The following OTOGL variants were observed in gnomAD, a reference collection of about 807,000 sequenced individuals.
The protein encoded by OTOGL is otogelin-like protein.
Under a neutral mutation model 318.5 loss-of-function variants are expected in OTOGL, and 285 were observed. The ratio of observed to expected loss-of-function variants is 0.89; its 90% CI spans 0.81 to 0.99. The LOEUF (loss-of-function observed/expected upper bound fraction) is 0.99, where lower values mean the gene tolerates loss of function less well. Among genes scored for constraint, OTOGL ranks in the 50% least tolerant of loss-of-function variants. The pLI, the probability that OTOGL is intolerant of heterozygous loss-of-function variation, is 0.00. For synonymous variants in OTOGL, 987 were observed against 936.5 expected (o/e 1.05, Z -0.99); for missense variants, 2,899 against 2,845.6 (o/e 1.02, Z -0.43).
At chr12:80,106,343 TC>T (rs1869452774) in intron 1 of OTOGL, among the ~76,000 whole-genome samples, 1 of 152,210 alleles carries the variant, frequency 6.6e-6, no homozygotes, top group Non-Finnish European at 1.5e-5. Flanking sequence ...ACAGACTATG[TC>T]CAGGGTCCCA....
chr12:80,271,534 C>A, intron 23 of OTOGL, 114 bp from the exon 24 acceptor site: 1 of 1,013,466 alleles, frequency 9.9e-7, no homozygotes, highest in Non-Finnish European at 1.4e-6. Context: ...AGGCAGCTAA[C>A]ATTCTCAAAC....
intron 11 of OTOGL, among the ~76,000 whole-genome samples, chr12:80,242,546 G>T (rs958261492): frequency 1.3e-5 from 2 of 152,038 alleles, no homozygotes; most frequent in African/African-American, 4.8e-5. Context: ...TTCATTTCCT[G>T]TATTAGGGGA....
chr12:80,337,101 G>T, intron 42 of OTOGL, 97 bp downstream of exon 42: 1 of 871,254 alleles, frequency 1.1e-6, no homozygotes, highest in Non-Finnish European at 1.8e-6. Flanking sequence ...CATATCAATG[G>T]AATTTAATTG....
chr12:80,327,908 G>A (rs1263701597), intron 35 of OTOGL, among the ~76,000 whole-genome samples: 9 of 131,282 alleles, frequency 6.9e-5, no homozygotes, highest in Non-Finnish European at 1.1e-4. Flanking sequence ...GCAGTGAGCC[G>A]AGATCGCGCC....
In OTOGL at chr12:80,379,692, T is replaced by C. The variant is rs755974882; in HGVS notation, c.*1644T>C. On this transcript the variant is annotated 3_prime_UTR_variant, in exon 59 of 59. Coordinates refer to ENST00000547103, the MANE Select transcript of OTOGL (RefSeq NM_001378609.3). ...AATGTTGTATATTATCTATTGCCCA[T>C]TTTTATTTCCATTTTCTGTAAAATA... 18 of 151,994 alleles carry C rather than the reference T, an allele frequency of 1.2e-4. No individual in the cohort carries two copies. Among genetic ancestry groups the C allele is most frequent in the Non-Finnish European group, 2.1e-4 (14 of 67,888 alleles). The allele number at this position is 151,994 out of a possible 1,614,324, so 9.4% of individuals were successfully genotyped here.
At chr12:80,372,224 A>C (rs1039634147) in intron 57 of OTOGL, among the ~76,000 whole-genome samples, 160 bp downstream of exon 57, 2 of 152,108 alleles carry the variant, frequency 1.3e-5, no homozygotes, top group Non-Finnish European at 1.5e-5. Context: ...CATATGGTTA[A>C]TAATTTTGTA....
At chr12:80,149,977 C>T (rs977649266) in intron 1 of OTOGL, among the ~76,000 whole-genome samples, 19 of 152,128 alleles carry the variant, frequency 1.2e-4, no homozygotes, top group Non-Finnish European at 2.5e-4. Flanking sequence ...GAGATGAACC[C>T]GGTACCTCAG....
chr12:80,337,209 T>G (rs950883789), intron 42 of OTOGL, among the ~76,000 whole-genome samples: 2 of 152,096 alleles, frequency 1.3e-5, no homozygotes, highest in African/African-American at 4.8e-5. Flanking sequence ...TATTTTCCCC[T>G]GTGAGGTTAA....
intron 52 of OTOGL, chr12:80,366,310 G>A: frequency 2.2e-6 from 1 of 453,540 alleles, no homozygotes. Context: ...AGGCTGCCTT[G>A]GTAGAGCAGA....
At chr12:80,340,999 C>T (rs923078357) in intron 43 of OTOGL, among the ~76,000 whole-genome samples, 2 of 146,500 alleles carry the variant, frequency 1.4e-5, no homozygotes, top group Admixed American at 1.4e-4. Flanking sequence ...AAAGGTGAGG[C>T]ATTGCAACCT....
intron 35 of OTOGL, among the ~76,000 whole-genome samples, chr12:80,327,681 C>T (rs569061625): frequency 6.6e-5 from 10 of 151,346 alleles, no homozygotes; most frequent in African/African-American, 1.5e-4. Flanking sequence ...GAAAGCGGGC[C>T]GGGCACGGTG....
intron 35 of OTOGL, among the ~76,000 whole-genome samples, chr12:80,325,996 A>G (rs1887655402): frequency 6.6e-6 from 1 of 152,178 alleles, no homozygotes; most frequent in African/African-American, 2.4e-5. Flanking sequence ...TGCAGAGAAG[A>G]GACTCACGAT....
intron 52 of OTOGL, among the ~76,000 whole-genome samples, chr12:80,362,788 G>A (rs1022110502): frequency 1.3e-5 from 2 of 151,912 alleles, no homozygotes; most frequent in South Asian, 2.1e-4. Flanking sequence ...GAACTATTTC[G>A]GACAGGGGCT....
intron 49 of OTOGL, 75 bp from the exon 50 acceptor site, chr12:80,358,173 A>T: frequency 1.1e-6 from 1 of 915,538 alleles, no homozygotes; most frequent in Admixed American, 2.1e-5. Context: ...TGATTTGTGT[A>T]TGGTAATTTA....
chr12:80,301,781 A>G (rs1187412310), intron 27 of OTOGL, among the ~76,000 whole-genome samples: 1 of 152,184 alleles, frequency 6.6e-6, no homozygotes, highest in Non-Finnish European at 1.5e-5. Context: ...TTAGGTCCCA[A>G]GACCTCCAGT....
Position 80,271,727 on chromosome 12 carries a change from T to C in OTOGL, c.2598T>C (p.Cys866=), listed in dbSNP as rs1883423334. 2 of 1,612,936 alleles carry C rather than the reference T, an allele frequency of 1.2e-6. No individual in the cohort carries two copies. The highest frequency in any genetic ancestry group is 1.7e-5 in the Admixed American group (1 of 59,818). Reference sequence around the variant, plus strand: ...AATTACCAGCTGGTGGTGTTAATTGTGAGACTACATGTGCAAACCTAGCCA... The same window carrying C: ...AATTACCAGCTGGTGGTGTTAATTGCGAGACTACATGTGCAAACCTAGCCA... The part of the protein sequence containing the change: ...DPELPAGGVN[C]ETTCANLAMN... The change falls in exon 24 of 59, where the codon TGT becomes TGC. Residue 866 remains cysteine, a synonymous_variant. Transcript: ENST00000547103.
In OTOGL at chr12:80,366,596, A is replaced by G. The variant is rs775422143; in HGVS notation, c.6290A>G (p.His2097Arg). 1 of 1,420,148 alleles carries G rather than the reference A, an allele frequency of 7.0e-7. No individual in the cohort carries two copies. The highest frequency in any genetic ancestry group is 9.2e-7 in the Non-Finnish European group (1 of 1,082,206). 88.0% of individuals were successfully genotyped at this position (1,420,148 alleles called of 1,614,324 possible). The change falls in exon 53 of 59, where the codon CAT becomes CGT. Residue 2097 changes from histidine to arginine, a missense_variant. His to Arg is a conservative substitution (Grantham distance 29, BLOSUM62 0). This residue lies in a region of OTOGL where 3 missense variants were observed against 16.2 expected (regional missense o/e 0.19). Transcript: ENST00000547103. ...CEVGEFTAID[H>R]NFQSDCGCIQ... ...TAGGGAGAATTTACTGCAATAGACC[A>G]TAACTTCCAGAGTGATTGTGGATGC...
At chr12:80,296,774 A>G in intron 26 of OTOGL, 53 bp from the exon 27 acceptor site, 1 of 1,223,840 alleles carries the variant, frequency 8.2e-7, no homozygotes, top group Non-Finnish European at 1.1e-6. Context: ...AAATAACTAA[A>G]AATAATATAG....
Position 80,379,325 on chromosome 12 carries a change from G to A in OTOGL, c.*1277G>A, listed in dbSNP as rs572854981. On this transcript the variant is annotated 3_prime_UTR_variant, in exon 59 of 59. Coordinates refer to ENST00000547103, the MANE Select transcript of OTOGL (RefSeq NM_001378609.3). Reference sequence around the variant, plus strand: ...GCAAAGCAGATACTGGGCCTCAAGGGTGGGCTTAGGCTTAAACTAGATTAT... The same window carrying A: ...GCAAAGCAGATACTGGGCCTCAAGGATGGGCTTAGGCTTAAACTAGATTAT... The A allele has an allele frequency of 6.6e-6, 1 of 152,036 alleles. No homozygotes were observed. Among genetic ancestry groups the A allele is most frequent in the African/African-American group, 2.4e-5 (1 of 41,532 alleles). The allele number at this position is 152,036 out of a possible 1,614,324, so 9.4% of individuals were successfully genotyped here. A position where few individuals can be genotyped will look rare whatever the true frequency, so the allele number is the denominator to read the frequency against.
Sources: allele counts gnomAD v4.1 joint callset (sites outside exome capture counted in the v4.1 genomes callset), GRCh38; gene constraint gnomAD v4.1.1; regional missense constraint gnomAD v4.1.1; transcripts MANE v1.5; gene names NCBI Gene and HGNC (gene_info 2026-07-23, HGNC 2026-07-21).